Variants in GULP1 observed in about 807,000 individuals in gnomAD.
GULP1 encodes GULP PTB domain containing engulfment adaptor 1.
Under a neutral mutation model 40.9 loss-of-function variants are expected in GULP1, and 19 were observed. The ratio of observed to expected loss-of-function variants is 0.46; its 90% CI spans 0.32 to 0.68. The LOEUF is 0.68. GULP1 is among the 30% of genes least tolerant of loss of function. The pLI is 0.03. For missense variants in GULP1, 312 were observed against 362.2 expected (o/e 0.86, Z 1.12); for synonymous variants, 119 against 117.6 (o/e 1.01, Z -0.08).
chr2:188,571,251 G>A (rs576140316), intron 9 of GULP1, among the ~76,000 whole-genome samples: 6 of 152,126 alleles, frequency 3.9e-5, no homozygotes, highest in South Asian at 2.1e-4. Flanking sequence ...GCTTCAATAC[G>A]TAGGATAAAC....
At chr2:188,358,181 A>AAAC (rs201363968) in intron 1 of GULP1, among the ~76,000 whole-genome samples, 364 of 151,788 alleles carry the variant, frequency 2.4e-3, no homozygotes, top group South Asian at 7.3e-3. Context: ...ACTCCATCTC[A>AAAC]AACAACAACA....
intron 1 of GULP1, among the ~76,000 whole-genome samples, chr2:188,310,290 A>G (rs1282953322): frequency 6.6e-6 from 1 of 152,228 alleles, no homozygotes; most frequent in African/African-American, 2.4e-5. Flanking sequence ...AGGTATGAGA[A>G]TAAAGTAATA....
At chr2:188,371,073 C>T (rs2047543016) in intron 1 of GULP1, among the ~76,000 whole-genome samples, 1 of 152,096 alleles carries the variant, frequency 6.6e-6, no homozygotes. Context: ...TCCGTGGTTG[C>T]TGTATTTACA....
intron 1 of GULP1, among the ~76,000 whole-genome samples, chr2:188,323,004 A>G (rs1324461584): frequency 6.6e-6 from 1 of 151,838 alleles, no homozygotes; most frequent in African/African-American, 2.4e-5. Context: ...TCCTCCCCCT[A>G]CTTGATACAA....
chr2:188,412,745 T>C lies in GULP1; in HGVS notation c.-45+28856T>C, dbSNP rs149348281. Among the ~76,000 whole-genome samples, 544 of 152,278 alleles carry C rather than the reference T, an allele frequency of 3.6e-3. 4 individuals carry two copies. Among genetic ancestry groups the C allele is most frequent in the African/African-American group, 0.012 (517 of 41,556 alleles). ...TCCAACTTTGCAAAATTATTTGAGT[T>C]CACCAATGAATTAAGCTATTTTAGT... On this transcript the variant is annotated intron_variant, in intron 2 of 11. Coordinates refer to ENST00000409830, the MANE Select transcript of GULP1 (RefSeq NM_016315.4).
chr2:188,547,315 C>A (rs896936197), intron 7 of GULP1, among the ~76,000 whole-genome samples: 4 of 151,040 alleles, frequency 2.6e-5, no homozygotes, highest in Non-Finnish European at 5.9e-5. Context: ...AAATATAACC[C>A]AGTAATGCAT....
chr2:188,390,388 G>T (rs2050355337), intron 2 of GULP1, among the ~76,000 whole-genome samples: 1 of 152,060 alleles, frequency 6.6e-6, no homozygotes, highest in Non-Finnish European at 1.5e-5. Context: ...TTTTTCAAAT[G>T]TTTGTTGGGT....
At chr2:188,304,488 C>T (rs531301961) in intron 1 of GULP1, among the ~76,000 whole-genome samples, 1 of 152,270 alleles carries the variant, frequency 6.6e-6, no homozygotes, top group South Asian at 2.1e-4. Flanking sequence ...GTATCCACAG[C>T]CAGCAAACAG....
chr2:188,533,925 A>G (rs1042980483), intron 6 of GULP1, among the ~76,000 whole-genome samples: 1 of 152,202 alleles, frequency 6.6e-6, no homozygotes, highest in Non-Finnish European at 1.5e-5. Context: ...CAAAACCACA[A>G]TGAGATACAA....
chr2:188,331,517 A>G (rs1431098548), intron 1 of GULP1, among the ~76,000 whole-genome samples: 2 of 152,208 alleles, frequency 1.3e-5, no homozygotes, highest in Non-Finnish European at 2.9e-5. Flanking sequence ...CTCCATATCC[A>G]AAGATTATTT....
chr2:188,402,456 A>T (rs1429775831), intron 2 of GULP1, among the ~76,000 whole-genome samples: 3 of 152,022 alleles, frequency 2.0e-5, no homozygotes. Context: ...AATAATTTTG[A>T]AAAGACTCTA....
At chr2:188,549,204 T>C (rs1455867288) in intron 7 of GULP1, among the ~76,000 whole-genome samples, 1 of 151,894 alleles carries the variant, frequency 6.6e-6, no homozygotes, top group Non-Finnish European at 1.5e-5. Flanking sequence ...GTATTTTGTT[T>C]AGATGCTCCT....
At position 188,292,604 on chromosome 2, in the gene GULP1, C is replaced by G. The variant is rs928591346; in HGVS notation, c.-172+438C>G. On this transcript the variant is annotated intron_variant, in intron 1 of 11. Coordinates refer to ENST00000409830, the MANE Select transcript of GULP1 (RefSeq NM_016315.4). The surrounding 1 kb of genome is among the most constrained non-coding windows in gnomAD (Gnocchi z 4.0). ...CTGAGGGTGCGTGGATCAGACTGGG[C>G]TGAGCAGGCAAGTCATCGTCGGGTC... Among the ~76,000 whole-genome samples the G allele has an allele frequency of 1.3e-5, 2 of 152,102 alleles. No individual in the cohort carries two copies. The highest frequency in any genetic ancestry group is 4.8e-5 in the African/African-American group (2 of 41,412).
intron 4 of GULP1, among the ~76,000 whole-genome samples, chr2:188,506,049 T>A (rs962785471): frequency 2.0e-5 from 3 of 151,866 alleles, no homozygotes; most frequent in Non-Finnish European, 2.9e-5. Flanking sequence ...AGGAAAGAAG[T>A]TTCTAGAAGA....
At chr2:188,400,233 C>T (rs562326349) in intron 2 of GULP1, among the ~76,000 whole-genome samples, 1 of 152,070 alleles carries the variant, frequency 6.6e-6, no homozygotes, top group Non-Finnish European at 1.5e-5. Context: ...GACCTTCTTC[C>T]CTGTGTTTCT....
intron 2 of GULP1, among the ~76,000 whole-genome samples, chr2:188,391,276 T>G (rs1477583723): frequency 6.6e-6 from 1 of 152,164 alleles, no homozygotes; most frequent in African/African-American, 2.4e-5. Flanking sequence ...TCATGTATGA[T>G]TTCTTTCAGC....
chr2:188,399,973 AT>A (rs1334518500), intron 2 of GULP1, among the ~76,000 whole-genome samples: 1 of 152,190 alleles, frequency 6.6e-6, no homozygotes, highest in African/African-American at 2.4e-5. Context: ...TGAAATAGAA[AT>A]AAAACCACTA....
chr2:188,386,398 G>A (rs13415123), intron 2 of GULP1, among the ~76,000 whole-genome samples: 32,575 of 151,964 alleles, frequency 0.21, 3,666 homozygotes, highest in African/African-American at 0.27. Context: ...ACAATTCAAG[G>A]TGAAATTTGG....
At chr2:188,465,896 TGGTATGAAGGTAAAAC>T (rs1377198558) in intron 2 of GULP1, among the ~76,000 whole-genome samples, 3 of 151,898 alleles carry the variant, frequency 2.0e-5, no homozygotes, top group Non-Finnish European at 4.4e-5. Context: ...CCTCTTTCCG[TGGTATGAAGGTAAAAC>T]CAGGTAGTGT....
Sources: gnomAD v4.1 joint callset for allele counts (sites outside exome capture counted in the v4.1 genomes callset) on GRCh38, gnomAD v4.1.1 for gene constraint, Gnocchi (gnomAD v3.1) non-coding constraint, MANE v1.5 for transcripts, NCBI Gene and HGNC (gene_info 2026-07-23, HGNC 2026-07-21) for gene names.